Variants in MEOX2 observed in about 807,000 individuals in gnomAD.
MEOX2 encodes the protein mesenchyme homeobox 2.
A neutral mutation model predicts 27.0 loss-of-function variants in MEOX2; 11 were observed. That is an observed-to-expected ratio of 0.41 (90% CI 0.26 to 0.68). MEOX2 has a LOEUF of 0.68. MEOX2 is among the 30% of genes least tolerant of loss of function. The pLI, the probability that MEOX2 is intolerant of heterozygous loss-of-function variation, is 0.33. For missense variants in MEOX2, 436 were observed against 385.4 expected, an observed-to-expected ratio of 1.13 and a Z score of -1.10; for synonymous variants, 189 against 155.4, an observed-to-expected ratio of 1.22 and a Z score of -1.61.
At chr7:15,682,462 T>G (rs771477945) in intron 1 of MEOX2, among the ~76,000 whole-genome samples, 24 of 151,896 alleles carry the variant, frequency 1.6e-4, no homozygotes, top group Admixed American at 5.2e-4. Context: ...ATAGTAGCTA[T>G]AAATAAAATA....
chr7:15,618,616 C>A lies in MEOX2; in HGVS notation c.691-6005G>T, dbSNP rs1353056829. 3.3e-5 allele frequency among the ~76,000 whole-genome samples: 5 copies of A among 151,872 alleles called. No individual in the cohort carries two copies. In the East Asian group the frequency reaches 9.6e-4, roughly 29 times the overall value. On this transcript the variant is annotated intron_variant, in intron 2 of 2. Coordinates refer to ENST00000262041, the MANE Select transcript of MEOX2 (RefSeq NM_005924.5). ...TTTAGCTGAAACAACGGAACTAATCCTTTATATAAGAAGAGTAGAATACTG... is the reference window on the plus strand; with the variant it reads ...TTTAGCTGAAACAACGGAACTAATCATTTATATAAGAAGAGTAGAATACTG...
chr7:15,630,819 G>C (rs532518031), intron 1 of MEOX2, among the ~76,000 whole-genome samples: 15 of 151,972 alleles, frequency 9.9e-5, no homozygotes, highest in African/African-American at 3.6e-4. Flanking sequence ...ACATTTAAAG[G>C]GGAAATTGCC....
chr7:15,655,840 A>G lies in MEOX2; in HGVS notation c.518-28922T>C, dbSNP rs572924347. ...GTGTATTCTGCTGTTTCAGGATAGAATATTCTATACATGTCCATTAGGTCT... is the reference window on the plus strand; with the variant it reads ...GTGTATTCTGCTGTTTCAGGATAGAGTATTCTATACATGTCCATTAGGTCT... On this transcript the variant is annotated intron_variant, in intron 1 of 2. Coordinates refer to ENST00000262041, the MANE Select transcript of MEOX2 (RefSeq NM_005924.5). Among the ~76,000 whole-genome samples, 27 of 151,818 alleles carry G rather than the reference A, an allele frequency of 1.8e-4. 1 individual carries two copies. The South Asian group carries it at 5.2e-3, about 29-fold the overall frequency.
At chr7:15,625,102 T>C (rs1450876128) in intron 2 of MEOX2, among the ~76,000 whole-genome samples, 4 of 152,226 alleles carry the variant, frequency 2.6e-5, no homozygotes, top group Non-Finnish European at 5.9e-5. Context: ...CTGTCATTTC[T>C]ACAGATTGGA....
At chr7:15,619,659 T>C (rs1359391217) in intron 2 of MEOX2, among the ~76,000 whole-genome samples, 1 of 151,954 alleles carries the variant, frequency 6.6e-6, no homozygotes, top group Admixed American at 6.6e-5. Flanking sequence ...TGTATATATA[T>C]CTATAGATAG....
At chr7:15,627,154 T>G (rs141068618) in intron 1 of MEOX2, among the ~76,000 whole-genome samples, 12 of 152,184 alleles carry the variant, frequency 7.9e-5, no homozygotes, top group South Asian at 2.1e-4. Context: ...ATTTTCTTCT[T>G]ATAAAATATT....
chr7:15,664,823 G>C (rs1281410492), intron 1 of MEOX2, among the ~76,000 whole-genome samples: 2 of 152,098 alleles, frequency 1.3e-5, no homozygotes, highest in Non-Finnish European at 2.9e-5. Flanking sequence ...TTCGTGCTCT[G>C]TGGATATCTG....
chr7:15,649,714 A>C (rs2115376180), intron 1 of MEOX2, among the ~76,000 whole-genome samples: 1 of 152,192 alleles, frequency 6.6e-6, no homozygotes, highest in South Asian at 2.1e-4. Context: ...TGAGGGACGA[A>C]GTTGAACATT....
chr7:15,618,171 T>G (rs1161688664), intron 2 of MEOX2, among the ~76,000 whole-genome samples: 1 of 152,022 alleles, frequency 6.6e-6, no homozygotes, highest in Non-Finnish European at 1.5e-5. Flanking sequence ...AAAATTCAAC[T>G]CGAATGGCTT....
At chr7:15,683,763 C>A (rs917439) in intron 1 of MEOX2, among the ~76,000 whole-genome samples, 120,119 of 152,134 alleles carry the variant, frequency 0.79, 48,272 homozygotes, top group African/African-American at 0.94. Context: ...ATTTCTTCAA[C>A]ATATCAAAGG....
intron 1 of MEOX2, among the ~76,000 whole-genome samples, chr7:15,656,832 T>A (rs1369760976): frequency 6.6e-6 from 1 of 152,052 alleles, no homozygotes; most frequent in Non-Finnish European, 1.5e-5. Flanking sequence ...TTATCATTTC[T>A]TTTTTGTCCA....
intron 1 of MEOX2, chr7:15,681,645 T>G (rs1055397280): frequency 4.0e-5 from 6 of 151,784 alleles, no homozygotes; most frequent in Non-Finnish European, 7.4e-5. Context: ...AGAGTTATAA[T>G]GAACGGTCTA....
At chr7:15,683,273 G>T (rs1782321222) in intron 1 of MEOX2, among the ~76,000 whole-genome samples, 1 of 151,866 alleles carries the variant, frequency 6.6e-6, no homozygotes, top group African/African-American at 2.4e-5. Context: ...ACAGAATTTT[G>T]GTCCTGACTT....
intron 2 of MEOX2, among the ~76,000 whole-genome samples, chr7:15,616,486 C>A (rs1424435038): frequency 3.3e-5 from 5 of 151,758 alleles, no homozygotes; most frequent in Non-Finnish European, 5.9e-5. Flanking sequence ...GGTTATAAAT[C>A]AATATTGTCA....
intron 1 of MEOX2, among the ~76,000 whole-genome samples, chr7:15,641,491 C>A (rs952374682): frequency 6.6e-6 from 1 of 152,064 alleles, no homozygotes; most frequent in South Asian, 2.1e-4. Context: ...CACTCCTTTA[C>A]TTTGAGCCTG....
At chr7:15,664,385 T>C (rs1781965807) in intron 1 of MEOX2, among the ~76,000 whole-genome samples, 1 of 152,142 alleles carries the variant, frequency 6.6e-6, no homozygotes, top group African/African-American at 2.4e-5. Flanking sequence ...AGTGAGAATA[T>C]ATGTGCAGTT....
intron 1 of MEOX2, among the ~76,000 whole-genome samples, chr7:15,658,604 G>A (rs73679874): frequency 0.025 from 3,847 of 152,234 alleles, 166 homozygotes; most frequent in African/African-American, 0.087. Context: ...TCTTCCCCCA[G>A]TACGTATGTT....
intron 2 of MEOX2, among the ~76,000 whole-genome samples, chr7:15,615,187 C>G (rs1475225606): frequency 1.3e-5 from 2 of 151,828 alleles, no homozygotes; most frequent in Non-Finnish European, 1.5e-5. Flanking sequence ...GCTGTTTATA[C>G]AGTATTCTAA....
chr7:15,634,244 G>C (rs1358988719), intron 1 of MEOX2, among the ~76,000 whole-genome samples: 1 of 151,866 alleles, frequency 6.6e-6, no homozygotes, highest in Non-Finnish European at 1.5e-5. Flanking sequence ...TGTTACATTT[G>C]TATTCAATGA....
Sources: allele counts gnomAD v4.1 joint callset (sites outside exome capture counted in the v4.1 genomes callset), GRCh38; gene constraint gnomAD v4.1.1; transcripts MANE v1.5; gene names NCBI Gene and HGNC (gene_info 2026-07-23, HGNC 2026-07-21).